The following NRG2 variants were observed in gnomAD, a reference collection of about 807,000 sequenced individuals.
NRG2 encodes the protein pro-neuregulin-2, membrane-bound isoform.
A neutral mutation model predicts 73.9 loss-of-function variants in NRG2; 27 were observed. The ratio of observed to expected loss-of-function variants is 0.37; its 90% CI spans 0.27 to 0.50. The LOEUF (loss-of-function observed/expected upper bound fraction) is 0.50. NRG2 is among the 20% of genes least tolerant of loss of function. The pLI is 0.96. For missense variants in NRG2, 1,126 were observed against 1,210.1 expected (o/e 0.93, Z 1.03); for synonymous variants, 532 against 541.0 (o/e 0.98, Z 0.23).
rs2126389718 is a variant in NRG2, at chr5:139,934,577, G to C, written c.701-47066C>G. Among the ~76,000 whole-genome samples the C allele has an allele frequency of 2.0e-5, 3 of 152,206 alleles. No individual in the cohort carries two copies. The South Asian group carries it at 6.2e-4, about 32-fold the overall frequency. ...AAAGAAAAAAACAAAGAACAGATGA[G>C]ACAAATAGAAAACATAGTCAAATGG... On this transcript the variant is annotated intron_variant, in intron 1 of 9. Transcript: ENST00000361474.
intron 1 of NRG2, among the ~76,000 whole-genome samples, chr5:139,949,965 C>A (rs1342769193): frequency 2.6e-5 from 4 of 152,172 alleles, no homozygotes; most frequent in Admixed American, 6.5e-5. Context: ...CTTCCTCTGT[C>A]TAAATAGCAA....
Position 139,865,069 on chromosome 5 carries a change from A to T in NRG2, c.1189+480T>A. On this transcript the variant is annotated intron_variant, in intron 5 of 9. Transcript: ENST00000361474. This position sits in a 1 kb window ranked among gnomAD's most constrained non-coding sequence, Gnocchi z 5.2. ...AGGCCCCATCCCTCCCCAGGGGGAGACTGTCAGTCACCAGGGAAGAGAAGA... is the reference window on the plus strand; with the variant it reads ...AGGCCCCATCCCTCCCCAGGGGGAGTCTGTCAGTCACCAGGGAAGAGAAGA... 6.6e-7 allele frequency: 1 copy of T among 1,524,346 alleles called. No individual in the cohort carries two copies. Among genetic ancestry groups the T allele is most frequent in the Non-Finnish European group, 9.1e-7 (1 of 1,098,436 alleles). The allele number at this position is 1,524,346 out of a possible 1,614,324, so 94.4% of individuals were successfully genotyped here.
intron 1 of NRG2, among the ~76,000 whole-genome samples, chr5:139,939,163 T>C (rs1753166447): frequency 6.6e-6 from 1 of 151,830 alleles, no homozygotes; most frequent in South Asian, 2.1e-4. Context: ...GAAATAAACA[T>C]AGCAGAAATT....
At chr5:139,922,670 T>C (rs1217589083) in intron 1 of NRG2, among the ~76,000 whole-genome samples, 1 of 152,242 alleles carries the variant, frequency 6.6e-6, no homozygotes, top group African/African-American at 2.4e-5. Context: ...AGCAGCTTCA[T>C]ACATCATTGC....
intron 3 of NRG2, among the ~76,000 whole-genome samples, chr5:139,873,147 T>C (rs1762967451): frequency 6.6e-6 from 1 of 152,176 alleles, no homozygotes; most frequent in African/African-American, 2.4e-5. Flanking sequence ...CTTCTGTATA[T>C]GTCTGAGGAG....
At chr5:139,857,567 C>T (rs1372576606) in intron 5 of NRG2, among the ~76,000 whole-genome samples, 3 of 151,800 alleles carry the variant, frequency 2.0e-5, no homozygotes, top group African/African-American at 7.3e-5. Flanking sequence ...AGCATTTTTC[C>T]TATTGCAGTC....
intron 1 of NRG2, among the ~76,000 whole-genome samples, chr5:139,953,185 G>T (rs1469791642): frequency 1.3e-5 from 2 of 152,182 alleles, no homozygotes; most frequent in African/African-American, 4.8e-5. Flanking sequence ...TGTGAAGAGA[G>T]GGGGTTGAGC....
chr5:139,903,850 G>A (rs996174237), intron 1 of NRG2, among the ~76,000 whole-genome samples: 1 of 152,246 alleles, frequency 6.6e-6, no homozygotes, highest in Admixed American at 6.5e-5. Context: ...CAGAACGGAG[G>A]GAGGTGTGGC....
chr5:139,952,154 C>G (rs1302229987), intron 1 of NRG2, among the ~76,000 whole-genome samples: 1 of 152,204 alleles, frequency 6.6e-6, no homozygotes, highest in Non-Finnish European at 1.5e-5. Context: ...TTTAAAGCAT[C>G]TTGCTCAGTG....
intron 3 of NRG2, among the ~76,000 whole-genome samples, chr5:139,876,925 C>CTGTGTGTGTGTGTGTGTGTGTG (rs3082489): frequency 2.1e-5 from 3 of 141,902 alleles, no homozygotes; most frequent in Non-Finnish European, 3.1e-5. Context: ...GAATGTGCAT[C>CTGTGTGTGTGTGTGTGTGTGTG]TGTGTGTGTG....
intron 5 of NRG2, among the ~76,000 whole-genome samples, chr5:139,864,816 C>T (rs1031784771): frequency 3.3e-5 from 5 of 152,080 alleles, no homozygotes; most frequent in Admixed American, 1.3e-4. Flanking sequence ...AGGCAGCCTT[C>T]GGAGCAGGGG....
chr5:139,937,074 T>C (rs1265917968), intron 1 of NRG2, among the ~76,000 whole-genome samples: 2 of 152,258 alleles, frequency 1.3e-5, no homozygotes, highest in Admixed American at 6.5e-5. Flanking sequence ...ACTGTTGGGA[T>C]TGCAGGCGTG....
chr5:139,985,226 G>C (rs1580876795), intron 1 of NRG2, among the ~76,000 whole-genome samples: 1 of 151,738 alleles, frequency 6.6e-6, no homozygotes, highest in East Asian at 1.9e-4. Context: ...TGTAATCCCA[G>C]CTACTCGAGA....
intron 4 of NRG2, among the ~76,000 whole-genome samples, chr5:139,866,271 T>G (rs1180578207): frequency 6.6e-6 from 1 of 152,228 alleles, no homozygotes; most frequent in Non-Finnish European, 1.5e-5. Flanking sequence ...GCAGTGTACC[T>G]TCACCTATGA....
intron 1 of NRG2, among the ~76,000 whole-genome samples, chr5:139,908,742 T>C (rs61694064): frequency 0.041 from 6,255 of 152,268 alleles, 449 homozygotes; most frequent in African/African-American, 0.14. Flanking sequence ...TAACCACTGG[T>C]CGCAAGACCT....
chr5:140,032,233 A>G (rs570559955), intron 1 of NRG2, among the ~76,000 whole-genome samples: 5 of 152,352 alleles, frequency 3.3e-5, no homozygotes, highest in African/African-American at 4.8e-5. Context: ...AGGAATATCC[A>G]AAAAGCTCAG....
At chr5:139,996,581 C>G (rs973219158) in intron 1 of NRG2, among the ~76,000 whole-genome samples, 3 of 152,174 alleles carry the variant, frequency 2.0e-5, no homozygotes, top group African/African-American at 7.2e-5. Flanking sequence ...ACTGAAATCT[C>G]ATTTCTTCCA....
At chr5:139,903,283 G>A (rs1046316034) in intron 1 of NRG2, among the ~76,000 whole-genome samples, 4 of 152,170 alleles carry the variant, frequency 2.6e-5, no homozygotes, top group African/African-American at 9.7e-5. Flanking sequence ...AACGTACTTC[G>A]TTACTTTAAC....
Position 139,851,564 on chromosome 5 carries a change from T to G in NRG2, c.1772+40A>C. On this transcript the variant is annotated intron_variant, in intron 9 of 9. Coordinates refer to ENST00000361474, the MANE Select transcript of NRG2 (RefSeq NM_004883.3). This position sits in a 1 kb window ranked among gnomAD's most constrained non-coding sequence, Gnocchi z 4.2. Reference sequence around the variant, plus strand: ...AGCCTTGGGCCAGTGGTGCCAGCCCTCTGGCTAAGCGGGGAATAGGTCAGG... The same window carrying G: ...AGCCTTGGGCCAGTGGTGCCAGCCCGCTGGCTAAGCGGGGAATAGGTCAGG... 2 of 1,593,012 alleles carry G rather than the reference T, an allele frequency of 1.3e-6. No homozygotes were observed. Among genetic ancestry groups the G allele is most frequent in the Non-Finnish European group, 1.7e-6 (2 of 1,162,938 alleles).
Sources: gnomAD v4.1 joint callset for allele counts (sites outside exome capture counted in the v4.1 genomes callset) on GRCh38, gnomAD v4.1.1 for gene constraint, Gnocchi (gnomAD v3.1) non-coding constraint, MANE v1.5 for transcripts, NCBI Gene and HGNC (gene_info 2026-07-23, HGNC 2026-07-21) for gene names.